The following MMP16 variants were observed in gnomAD, a reference collection of about 807,000 sequenced individuals.
MMP16 encodes the protein matrix metalloproteinase-16.
MMP16 carries 12 observed loss-of-function variants against 67.8 expected under a neutral mutation model. That is an observed-to-expected ratio of 0.18 (90% confidence interval 0.11 to 0.29). The LOEUF is 0.29. MMP16 is among the 10% of genes least tolerant of loss of function. The probability of loss-of-function intolerance (pLI) is 1.00; values close to 1 mark genes in which losing one functional copy is unlikely to be tolerated. For synonymous variants in MMP16, 249 were observed against 255.9 expected (o/e 0.97, Z 0.26); for missense variants, 475 against 765.7 (o/e 0.62, Z 4.48).
At chr8:88,298,345 A>C (rs1319637027) in intron 1 of MMP16, among the ~76,000 whole-genome samples, 1 of 152,198 alleles carries the variant, frequency 6.6e-6, no homozygotes, top group African/African-American at 2.4e-5. Context: ...TACTGCTTGT[A>C]ATTGCCAAAT....
chr8:88,129,095 TG>T (rs779592444), intron 4 of MMP16, among the ~76,000 whole-genome samples: 9 of 151,770 alleles, frequency 5.9e-5, no homozygotes, highest in Non-Finnish European at 1.0e-4. Context: ...TAGGTGTGTA[TG>T]GCCCTCAGAG....
intron 1 of MMP16, among the ~76,000 whole-genome samples, chr8:88,283,332 A>T (rs1006232604): frequency 1.3e-5 from 2 of 152,224 alleles, no homozygotes; most frequent in African/African-American, 2.4e-5. Flanking sequence ...TGAGCATTTG[A>T]GTCAGGCAGA....
chr8:88,185,959 T>C (rs1329855715), intron 3 of MMP16, among the ~76,000 whole-genome samples: 1 of 152,200 alleles, frequency 6.6e-6, no homozygotes, highest in Non-Finnish European at 1.5e-5. Context: ...GTTGTTCAAT[T>C]ACAAAATAAA....
chr8:88,163,739 C>T (rs1339895530), intron 4 of MMP16, among the ~76,000 whole-genome samples: 1 of 152,028 alleles, frequency 6.6e-6, no homozygotes, highest in Non-Finnish European at 1.5e-5. Flanking sequence ...CAAAATAAAT[C>T]TTAACATTTT....
intron 1 of MMP16, among the ~76,000 whole-genome samples, chr8:88,226,048 C>T (rs998997583): frequency 4.0e-5 from 6 of 151,778 alleles, no homozygotes. Flanking sequence ...GAATATTTTC[C>T]TACTTAGTTT....
intron 6 of MMP16, among the ~76,000 whole-genome samples, chr8:88,103,151 C>A (rs1809172639): frequency 6.6e-6 from 1 of 151,842 alleles, no homozygotes; most frequent in Admixed American, 6.6e-5. Flanking sequence ...TCCCTTCGTA[C>A]CTCCAGTCCT....
At chr8:88,186,344 A>T in intron 3 of MMP16, 132 bp downstream of exon 3, 2 of 1,191,620 alleles carry the variant, frequency 1.7e-6, no homozygotes, top group Non-Finnish European at 2.4e-6. Context: ...TAGCAATTTT[A>T]AATCTCTTAT....
chr8:88,187,680 A>G (rs1809096411), intron 2 of MMP16, among the ~76,000 whole-genome samples: 1 of 152,234 alleles, frequency 6.6e-6, no homozygotes, highest in Non-Finnish European at 1.5e-5. Flanking sequence ...GTTATGCAAC[A>G]AAATCCAATA....
intron 1 of MMP16, among the ~76,000 whole-genome samples, chr8:88,207,306 A>T (rs564408104): frequency 3.2e-4 from 48 of 152,342 alleles, no homozygotes; most frequent in African/African-American, 1.1e-3. Context: ...GTATTGTACT[A>T]CTGTGATAAT....
At chr8:88,270,083 C>T (rs1810542062) in intron 1 of MMP16, among the ~76,000 whole-genome samples, 1 of 152,158 alleles carries the variant, frequency 6.6e-6, no homozygotes, top group Non-Finnish European at 1.5e-5. Context: ...TGGAATGTTA[C>T]TGCCTTCTGA....
intron 1 of MMP16, among the ~76,000 whole-genome samples, chr8:88,302,649 G>A (rs1472082260): frequency 6.6e-6 from 1 of 152,124 alleles, no homozygotes; most frequent in Non-Finnish European, 1.5e-5. Context: ...GGGGAAAATT[G>A]GAAATGCAGA....
chr8:88,327,234 AG>A lies in MMP16; in HGVS notation c.-29del, dbSNP rs1811555071. The stretch of plus-strand genomic sequence containing the variant: ...TGAACTGTGCTTCAATGGATGGACG[AG>A]CTCCCCTTCGTTTTCTCCCTCTCTC... On this transcript the variant is annotated 5_prime_UTR_variant, in exon 1 of 10. Coordinates refer to ENST00000286614, the MANE Select transcript of MMP16 (RefSeq NM_005941.5). 1 of 1,612,936 alleles carries A rather than the reference AG, an allele frequency of 6.2e-7. No individual in the cohort carries two copies. Among genetic ancestry groups the A allele is most frequent in the Non-Finnish European group, 8.5e-7 (1 of 1,179,338 alleles).
At chr8:88,311,759 G>C (rs1242226558) in intron 1 of MMP16, among the ~76,000 whole-genome samples, 1 of 152,064 alleles carries the variant, frequency 6.6e-6, no homozygotes, top group Non-Finnish European at 1.5e-5. Flanking sequence ...CACTGTACTA[G>C]ATCACAGTGA....
chr8:88,258,044 CTT>C (rs71277990), intron 1 of MMP16, among the ~76,000 whole-genome samples: 100 of 143,144 alleles, frequency 7.0e-4, no homozygotes, highest in Admixed American at 2.4e-3. Flanking sequence ...GACTCTTTTT[CTT>C]TTTTTTTTTT....
chr8:88,214,565 G>GTA (rs1348424201), intron 1 of MMP16, among the ~76,000 whole-genome samples: 4 of 151,902 alleles, frequency 2.6e-5, no homozygotes, highest in Admixed American at 2.6e-4. Context: ...TTTGAAGTAA[G>GTA]TATATATATG....
At chr8:88,289,471 A>G (rs1425618635) in intron 1 of MMP16, among the ~76,000 whole-genome samples, 1 of 152,222 alleles carries the variant, frequency 6.6e-6, no homozygotes, top group Admixed American at 6.5e-5. Flanking sequence ...GTGAGGAAGA[A>G]AAGAGCAATA....
At chr8:88,291,210 G>T (rs111287811) in intron 1 of MMP16, among the ~76,000 whole-genome samples, 87 of 152,164 alleles carry the variant, frequency 5.7e-4, no homozygotes, top group African/African-American at 2.0e-3. Context: ...CAACCCAGTA[G>T]GTCAAGGTTG....
At chr8:88,219,491 G>C (rs1025505589) in intron 1 of MMP16, among the ~76,000 whole-genome samples, 5 of 152,000 alleles carry the variant, frequency 3.3e-5, no homozygotes, top group African/African-American at 4.8e-5. Flanking sequence ...TGTTGTTCTT[G>C]CATGAGACCA....
At chr8:88,215,817 T>C (rs571757575) in intron 1 of MMP16, among the ~76,000 whole-genome samples, 195 of 152,312 alleles carry the variant, frequency 1.3e-3, no homozygotes, top group Middle Eastern at 6.8e-3. Flanking sequence ...CTTCAGAGTG[T>C]GCAGCCTTTT....
Sources: gnomAD v4.1 joint callset for allele counts (sites outside exome capture counted in the v4.1 genomes callset) on GRCh38, gnomAD v4.1.1 for gene constraint, MANE v1.5 for transcripts, NCBI Gene and HGNC (gene_info 2026-07-23, HGNC 2026-07-21) for gene names.